The following RELN variants were observed in gnomAD, a reference collection of about 807,000 sequenced individuals.
RELN encodes reelin.
In RELN, 108 loss-of-function variants were observed where a neutral mutation model predicts 427.6. That is an observed-to-expected ratio of 0.25 (90% CI 0.22 to 0.30). The LOEUF is 0.30. Ranked by LOEUF, RELN falls within the 10% of genes least tolerant of loss-of-function variation. The pLI is 1.00. For missense variants in RELN, 3,715 were observed against 4,302.8 expected (o/e 0.86, Z 3.82); for synonymous variants, 1,524 against 1,513.4 (o/e 1.01, Z -0.16).
intron 49 of RELN, among the ~76,000 whole-genome samples, chr7:103,518,505 G>GTTTTTTTTTTTTGTTTT (rs1829625704): frequency 1.7e-5 from 2 of 114,364 alleles, no homozygotes; most frequent in Non-Finnish European, 3.3e-5. Context: ...GGTAATTTAA[G>GTTTTTTTTTTTTGTTTT]TTTTTTTTTT....
At chr7:103,641,387 C>T (rs936335114) in intron 16 of RELN, among the ~76,000 whole-genome samples, 1 of 152,148 alleles carries the variant, frequency 6.6e-6, no homozygotes, top group Non-Finnish European at 1.5e-5. Flanking sequence ...TTCCTGTAGC[C>T]TATGCTCCTA....
chr7:103,785,040 T>G (rs1791983836), intron 3 of RELN, among the ~76,000 whole-genome samples: 1 of 152,136 alleles, frequency 6.6e-6, no homozygotes, highest in African/African-American at 2.4e-5. Context: ...TTGTTATAAG[T>G]AAGATTTATC....
At chr7:103,912,213 T>TTTTTTA (rs1212436848) in intron 2 of RELN, among the ~76,000 whole-genome samples, 1 of 151,872 alleles carries the variant, frequency 6.6e-6, no homozygotes. Flanking sequence ...TTTTTTTTTT[T>TTTTTTA]GAGACAGAGT....
chr7:103,653,171 T>C lies in RELN; in HGVS notation c.1555-412A>G, dbSNP rs1028900201. On this transcript the variant is annotated intron_variant, in intron 13 of 64. Transcript: ENST00000428762. ...AGCTAAGGGCTTTCCAAACTAGTAT[T>C]GTGAAAATAGGACAGAAACAACCAG... Among the ~76,000 whole-genome samples, 4 of 152,060 alleles carry C rather than the reference T, an allele frequency of 2.6e-5. No individual in the cohort carries two copies. In the East Asian group the frequency reaches 5.8e-4, roughly 22 times the overall value.
chr7:103,506,622 G>T (rs1829221399), intron 51 of RELN, among the ~76,000 whole-genome samples: 1 of 145,548 alleles, frequency 6.9e-6, no homozygotes, highest in Non-Finnish European at 1.5e-5. Context: ...AAATTGTAAA[G>T]ACCATTGATG....
chr7:103,835,544 A>C (rs762617393), intron 2 of RELN, among the ~76,000 whole-genome samples: 1 of 152,180 alleles, frequency 6.6e-6, no homozygotes, highest in Non-Finnish European at 1.5e-5. Flanking sequence ...TATTGTGTGT[A>C]GGGATAGTGG....
intron 11 of RELN, among the ~76,000 whole-genome samples, chr7:103,673,373 G>A (rs1833437459): frequency 6.6e-6 from 1 of 152,020 alleles, no homozygotes; most frequent in African/African-American, 2.4e-5. Context: ...TTCTAAACAG[G>A]TTAAGAACTT....
At chr7:103,936,712 G>GCA (rs71154380) in intron 1 of RELN, among the ~76,000 whole-genome samples, 7 of 139,794 alleles carry the variant, frequency 5.0e-5, no homozygotes, top group South Asian at 2.4e-4. Context: ...AAATTCCTAC[G>GCA]CACACACACA....
intron 4 of RELN, among the ~76,000 whole-genome samples, chr7:103,753,994 A>G (rs1791069735): frequency 2.0e-5 from 3 of 152,202 alleles, no homozygotes; most frequent in African/African-American, 7.2e-5. Context: ...GGATCTGGAC[A>G]TTAAAGGAAA....
chr7:103,853,914 G>A (rs1056708857), intron 2 of RELN, among the ~76,000 whole-genome samples: 1 of 151,968 alleles, frequency 6.6e-6, no homozygotes. Flanking sequence ...AGCACAGTTG[G>A]GTGAGTATGG....
intron 2 of RELN, among the ~76,000 whole-genome samples, chr7:103,912,946 T>C (rs1795403027): frequency 6.6e-6 from 1 of 152,060 alleles, no homozygotes; most frequent in Non-Finnish European, 1.5e-5. Flanking sequence ...CACAAAGAGA[T>C]ATCCATAATT....
chr7:103,794,694 C>T (rs1426340823), intron 3 of RELN, among the ~76,000 whole-genome samples: 3 of 152,146 alleles, frequency 2.0e-5, no homozygotes, highest in African/African-American at 7.2e-5. Context: ...TCAACCTTAG[C>T]ACTACTGCAC....
chr7:103,733,713 T>C, intron 6 of RELN, among the ~76,000 whole-genome samples: 1 of 142,998 alleles, frequency 7.0e-6, no homozygotes, highest in Non-Finnish European at 1.5e-5. Flanking sequence ...CACCACATAT[T>C]CTCACTCATA....
intron 2 of RELN, among the ~76,000 whole-genome samples, chr7:103,912,412 C>T (rs1795390119): frequency 6.6e-6 from 1 of 152,082 alleles, no homozygotes; most frequent in African/African-American, 2.4e-5. Context: ...TCTTGAACTC[C>T]TGACCTTGTG....
chr7:103,800,604 T>C (rs1181137364), intron 3 of RELN, among the ~76,000 whole-genome samples: 2 of 152,172 alleles, frequency 1.3e-5, no homozygotes, highest in African/African-American at 4.8e-5. Context: ...GACTTAAATG[T>C]AAGACCTAAA....
At chr7:103,981,256 GAT>G (rs1477843051) in intron 1 of RELN, among the ~76,000 whole-genome samples, 5 of 152,160 alleles carry the variant, frequency 3.3e-5, no homozygotes, top group Middle Eastern at 3.2e-3. Flanking sequence ...ATTTTAGAGA[GAT>G]AGTGTCAGGA....
chr7:103,976,676 TG>T (rs1796885943), intron 1 of RELN, among the ~76,000 whole-genome samples: 1 of 152,016 alleles, frequency 6.6e-6, no homozygotes, highest in Non-Finnish European at 1.5e-5. Flanking sequence ...AGATACTGGG[TG>T]GGCAGTAAGA....
chr7:103,637,221 AAGG>A (rs1832602146), intron 17 of RELN, among the ~76,000 whole-genome samples: 1 of 152,230 alleles, frequency 6.6e-6, no homozygotes, highest in Non-Finnish European at 1.5e-5. Context: ...TCTACGTTTT[AAGG>A]AGATTATTCA....
intron 1 of RELN, among the ~76,000 whole-genome samples, chr7:103,962,953 A>T (rs1210448365): frequency 6.6e-6 from 1 of 152,178 alleles, no homozygotes; most frequent in Non-Finnish European, 1.5e-5. Flanking sequence ...TGGTACCCTA[A>T]GCCAGGGAAG....
Sources: gnomAD v4.1 joint callset for allele counts (sites outside exome capture counted in the v4.1 genomes callset) on GRCh38, gnomAD v4.1.1 for gene constraint, MANE v1.5 for transcripts, NCBI Gene and HGNC (gene_info 2026-07-23, HGNC 2026-07-21) for gene names.